CLCN4: variants seen among roughly 807,000 people sequenced by gnomAD.
The protein encoded by CLCN4 is H(+)/Cl(-) exchange transporter 4.
Under a neutral mutation model 41.7 loss-of-function variants are expected in CLCN4, and 1 was observed. The ratio of observed to expected loss-of-function variants is 0.02; its 90% CI spans 0.01 to 0.11. CLCN4 has a LOEUF of 0.11. Among genes scored for constraint, CLCN4 ranks in the 10% least tolerant of loss-of-function variants. The pLI is 1.00. For synonymous variants in CLCN4, 277 were observed against 285.8 expected (o/e 0.97, Z 0.31); for missense variants, 287 against 661.0 (o/e 0.43, Z 6.20).
chrX:10,200,038 G>A (rs1039744887), intron 6 of CLCN4, among the ~76,000 whole-genome samples: 6 of 111,636 alleles, frequency 5.4e-5, no homozygotes, highest in African/African-American at 2.0e-4. Flanking sequence ...GGCGTGAGCC[G>A]CCACGCCTGG....
At chrX:10,230,773 C>T (rs770963349) in intron 12 of CLCN4, among the ~76,000 whole-genome samples, 1 of 112,332 alleles carries the variant, frequency 8.9e-6, no homozygotes, top group Non-Finnish European at 1.9e-5. Context: ...TCACTCCCCT[C>T]AGTTTCCCCT....
At position 10,233,771 on chromosome X, in the gene CLCN4, T is replaced by G; in HGVS notation, c.*187T>G. ...ACAAAAACATCAATGAGTAGGCATT[T>G]TATAGCTTTAACCCCGTATGAGTTT... On this transcript the variant is annotated 3_prime_UTR_variant, in exon 13 of 13. Coordinates refer to ENST00000380833, the MANE Select transcript of CLCN4 (RefSeq NM_001830.4). 1 of 419,674 alleles carries G rather than the reference T, an allele frequency of 2.4e-6. No individual in the cohort carries two copies. 34.6% of individuals were successfully genotyped at this position (419,674 alleles called of 1,213,427 possible).
intron 4 of CLCN4, 101 bp downstream of exon 4, chrX:10,187,715 G>C (rs1923851637): frequency 1.1e-5 from 7 of 648,441 alleles, no homozygotes; most frequent in Non-Finnish European, 1.5e-5. Context: ...CGTGTCGCTT[G>C]TCGCTTTTAC....
chrX:10,212,077 G>C (rs1306513945), intron 9 of CLCN4, among the ~76,000 whole-genome samples: 1 of 111,585 alleles, frequency 9.0e-6, no homozygotes, highest in East Asian at 2.8e-4. Context: ...TCATGCTGTG[G>C]CTTGACATTT....
chrX:10,157,642 G>C (rs778977198), intron 1 of CLCN4, among the ~76,000 whole-genome samples: 2 of 112,857 alleles, frequency 1.8e-5, no homozygotes, highest in South Asian at 7.2e-4. Context: ...AGGCAAGGCT[G>C]TTTCAGTTGT....
chrX:10,170,955 G>A (rs1199747266), intron 2 of CLCN4, among the ~76,000 whole-genome samples: 3 of 112,470 alleles, frequency 2.7e-5, no homozygotes, highest in Non-Finnish European at 5.6e-5. Context: ...CGCGATCTCC[G>A]CTCACTGCAA....
chrX:10,211,265 CAAAAAAA>C (rs71774120), intron 9 of CLCN4, among the ~76,000 whole-genome samples: 2 of 48,808 alleles, frequency 4.1e-5, no homozygotes, highest in Non-Finnish European at 6.6e-5. Flanking sequence ...GATTCCGTCT[CAAAAAAA>C]AAAAAAAAAA....
intron 6 of CLCN4, among the ~76,000 whole-genome samples, chrX:10,198,404 G>A (rs1371924527): frequency 8.9e-6 from 1 of 111,831 alleles, no homozygotes; most frequent in Non-Finnish European, 1.9e-5. Context: ...TAAAGCCTGT[G>A]GAATCAGAGT....
In CLCN4 at chrX:10,158,293, G is replaced by C. The variant is rs1373421953; in HGVS notation, c.-270G>C. The stretch of plus-strand genomic sequence containing the variant: ...TTTCATAATTCTTCGCGAAAGGCCA[G>C]GCAAGCTGCACACATCAAGCGAAAC... On this transcript the variant is annotated 5_prime_UTR_variant, in exon 2 of 13. Transcript: ENST00000380833. 3.4e-6 allele frequency: 1 copy of C among 290,703 alleles called. No homozygotes were observed. The highest frequency in any genetic ancestry group is 6.0e-6 in the Non-Finnish European group (1 of 166,554). The allele number at this position is 290,703 out of a possible 1,213,427, so 24.0% of individuals were successfully genotyped here.
chrX:10,214,562 C>T (rs1924656947), intron 11 of CLCN4, among the ~76,000 whole-genome samples: 1 of 112,925 alleles, frequency 8.9e-6, no homozygotes, highest in Admixed American at 9.3e-5. Flanking sequence ...GCCCCAGACA[C>T]CCCTTGCCAC....
At chrX:10,176,043 G>C (rs1286522239) in intron 2 of CLCN4, among the ~76,000 whole-genome samples, 1 of 108,916 alleles carries the variant, frequency 9.2e-6, no homozygotes, top group African/African-American at 3.4e-5. Flanking sequence ...AATGTTGATG[G>C]TGACATCCTT....
At chrX:10,176,783 G>A (rs1923543841) in intron 2 of CLCN4, among the ~76,000 whole-genome samples, 1 of 112,574 alleles carries the variant, frequency 8.9e-6, no homozygotes, top group African/African-American at 3.2e-5. Flanking sequence ...GGTCTGATTT[G>A]GGAGGGGAAT....
At chrX:10,198,105 A>T (rs1377835120) in intron 6 of CLCN4, 44 bp downstream of exon 6, 1 of 1,172,661 alleles carries the variant, frequency 8.5e-7, no homozygotes, top group South Asian at 1.8e-5. Flanking sequence ...TAAGAATAGC[A>T]AATTCTTCTG....
At chrX:10,183,820 T>C (rs1923743792) in intron 2 of CLCN4, among the ~76,000 whole-genome samples, 2 of 112,651 alleles carry the variant, frequency 1.8e-5, no homozygotes, top group South Asian at 3.6e-4. Flanking sequence ...ACTGTGCTAC[T>C]GCCCTGGCAG....
At chrX:10,175,947 T>TCCCTCCCTCCCC (rs1569224617) in intron 2 of CLCN4, among the ~76,000 whole-genome samples, 1 of 57,729 alleles carries the variant, frequency 1.7e-5, no homozygotes, top group Non-Finnish European at 2.9e-5. Context: ...TCCCTCTCCC[T>TCCCTCCCTCCCC]CTCTCTCTCT....
At position 10,181,601 on chromosome X, in the gene CLCN4, T is replaced by G. The variant is rs780061776; in HGVS notation, c.-11-3421T>G. Among the ~76,000 whole-genome samples the G allele has an allele frequency of 2.7e-5, 3 of 111,560 alleles. 1 individual carries two copies. In the South Asian group the frequency reaches 1.1e-3, roughly 42 times the overall value. Reference sequence around the variant, plus strand: ...CCTGACATTTTTGGTCAAACATGGATAACCATGATTCACCTAGGGTAGCAT... The same window carrying G: ...CCTGACATTTTTGGTCAAACATGGAGAACCATGATTCACCTAGGGTAGCAT... On this transcript the variant is annotated intron_variant, in intron 2 of 12. Coordinates refer to ENST00000380833, the MANE Select transcript of CLCN4 (RefSeq NM_001830.4).
chrX:10,200,715 G>T (rs1924218863), intron 6 of CLCN4, among the ~76,000 whole-genome samples: 1 of 111,395 alleles, frequency 9.0e-6, no homozygotes, highest in African/African-American at 3.3e-5. Context: ...TTTTGACAAG[G>T]TCTCACTCTG....
At chrX:10,197,087 C>T (rs1602151036) in intron 5 of CLCN4, among the ~76,000 whole-genome samples, 1 of 111,877 alleles carries the variant, frequency 8.9e-6, no homozygotes, top group South Asian at 3.7e-4. Context: ...TTTTCTGCCC[C>T]CTTTACTTAA....
chrX:10,210,794 C>T (rs1297876179), intron 9 of CLCN4, among the ~76,000 whole-genome samples: 2 of 105,527 alleles, frequency 1.9e-5, no homozygotes, highest in African/African-American at 6.9e-5. Context: ...ACTACAGACA[C>T]GTGCCACCAT....
Sources: allele counts gnomAD v4.1 joint callset (sites outside exome capture counted in the v4.1 genomes callset), GRCh38; gene constraint gnomAD v4.1.1; transcripts MANE v1.5; gene names NCBI Gene and HGNC (gene_info 2026-07-23, HGNC 2026-07-21).